Variants in DNAH10 observed in about 807,000 individuals in gnomAD.
DNAH10 encodes dynein axonemal heavy chain 10, also known as axonemal beta dynein heavy chain 10.
A neutral mutation model predicts 506.6 loss-of-function variants in DNAH10; 348 were observed. That is an observed-to-expected ratio of 0.69 (90% confidence interval 0.63 to 0.75). The LOEUF is 0.75. Among genes scored for constraint, DNAH10 ranks in the 30% least tolerant of loss-of-function variants. The pLI, the probability that DNAH10 is intolerant of heterozygous loss-of-function variation, is 0.00. For synonymous variants in DNAH10, 2,059 were observed against 2,198.6 expected, an observed-to-expected ratio of 0.94 and a Z score of 1.78; for missense variants, 5,179 against 5,787.1, an observed-to-expected ratio of 0.89 and a Z score of 3.41.
chr12:123,828,597 A>C lies in DNAH10; in HGVS notation c.4391+1699A>C, dbSNP rs7965533. Among the ~76,000 whole-genome samples, 1,445 of 152,236 alleles carry C rather than the reference A, an allele frequency of 9.5e-3. 15 individuals are homozygous for C. Among genetic ancestry groups the C allele is most frequent in the African/African-American group, 0.031 (1,307 of 41,538 alleles). On this transcript the variant is annotated intron_variant, in intron 25 of 78. Coordinates refer to ENST00000673944, the MANE Select transcript of DNAH10 (RefSeq NM_001372106.1). Reference sequence around the variant, plus strand: ...TCTTAGTGCACCTGAAGGGAAAGGAATGTTCTTATTAAGGTCCACTGTTTT... The same window carrying C: ...TCTTAGTGCACCTGAAGGGAAAGGACTGTTCTTATTAAGGTCCACTGTTTT...
At position 123,774,228 on chromosome 12, in the gene DNAH10, T is replaced by G; in HGVS notation, c.585T>G (p.Ala195=). ...PETLEYGIIN[A]NVLHFLKNII... is the part of the protein sequence containing the mutation. Reference sequence around the variant, plus strand: ...CACTGGAGTATGGAATTATAAACGCTAATGTGCTCCATTTTCTGAAGAATA... The same window carrying G: ...CACTGGAGTATGGAATTATAAACGCGAATGTGCTCCATTTTCTGAAGAATA... The change falls in exon 5 of 79, where the codon GCT becomes GCG. Residue 195 remains alanine (A), a synonymous_variant. Coordinates refer to ENST00000673944, the MANE Select transcript of DNAH10 (RefSeq NM_001372106.1). 3.1e-6 allele frequency: 5 copies of G among 1,608,252 alleles called. No homozygotes were observed. Among genetic ancestry groups the G allele is most frequent in the Non-Finnish European group, 4.2e-6 (5 of 1,178,312 alleles).
Position 123,918,774 on chromosome 12 carries a change from C to G in DNAH10, c.11331C>G (p.Phe3777Leu). ...RPAARRGAILFFVLSEMALVN... is the reference protein window; with the variant it reads ...RPAARRGAILLFVLSEMALVN... ...CAGCCAGGAGGGGGGCCATCCTGTT[C>G]TTCGTCCTGTCTGAGATGGCCCTGG... The change falls in exon 65 of 79, where the codon TTC becomes TTG. Residue 3777 changes from phenylalanine to leucine, a missense_variant. Around this residue, in one of 3 missense-constraint regions of DNAH10, gnomAD observed 4,844 missense variants for 5,430.5 expected, o/e 0.89. Coordinates refer to ENST00000673944, the MANE Select transcript of DNAH10 (RefSeq NM_001372106.1). 1 of 1,613,256 alleles carries G rather than the reference C, an allele frequency of 6.2e-7. No individual in the cohort carries two copies. The highest frequency in any genetic ancestry group is 8.5e-7 in the Non-Finnish European group (1 of 1,179,382).
At position 123,919,908 on chromosome 12, in the gene DNAH10, G is replaced by C. The variant is rs1290171968; in HGVS notation, c.11506+959G>C. On this transcript the variant is annotated intron_variant, in intron 65 of 78. Transcript: ENST00000673944. The surrounding 1 kb of genome is among the most constrained non-coding windows in gnomAD (Gnocchi z 4.9). ...TCGCTTGTTTTGCTATTAAGGCAAT[G>C]CTCCTGTGAACATTTGTGTGCAGGT... Among the ~76,000 whole-genome samples, 1 of 152,156 alleles carries C rather than the reference G, an allele frequency of 6.6e-6. No individual in the cohort carries two copies. The highest frequency in any genetic ancestry group is 2.4e-5 in the African/African-American group (1 of 41,422).
rs140214097 is a variant in DNAH10, at chr12:123,785,585, G to A, written c.1231-161G>A. Among the ~76,000 whole-genome samples, 34 of 148,778 alleles carry A rather than the reference G, an allele frequency of 2.3e-4. No homozygotes were observed. Among genetic ancestry groups the A allele is most frequent in the African/African-American group, 7.7e-4 (31 of 40,110 alleles). On this transcript the variant is annotated intron_variant, in intron 8 of 78. Transcript: ENST00000673944. The surrounding 1 kb of genome is among the most constrained non-coding windows in gnomAD (Gnocchi z 4.1). ...CGCAGGGGAGTCGAGGCTGCAGTAAGCCATGTTTGTGCCATTGCACTCCAG... is the reference window on the plus strand; with the variant it reads ...CGCAGGGGAGTCGAGGCTGCAGTAAACCATGTTTGTGCCATTGCACTCCAG...
rs1474492872 is a variant in DNAH10, at chr12:123,903,648, C to T, written c.9815+535C>T. ...ACCCTGTCCCCCACACCAGAGGGCT[C>T]ATCTGCTGTCAGCGAGGGTAACGTG... is the stretch of plus-strand genomic sequence containing the variant. On this transcript the variant is annotated intron_variant, in intron 57 of 78. Transcript: ENST00000673944. The surrounding 1 kb of genome is among the most constrained non-coding windows in gnomAD (Gnocchi z 4.6). Among the ~76,000 whole-genome samples the T allele has an allele frequency of 6.6e-6, 1 of 152,220 alleles. No homozygotes were observed. Among genetic ancestry groups the T allele is most frequent in the Non-Finnish European group, 1.5e-5 (1 of 68,038 alleles).
chr12:123,868,249 T>G, intron 43 of DNAH10, 130 bp downstream of exon 43: 2 of 843,456 alleles, frequency 2.4e-6, no homozygotes, highest in Non-Finnish European at 3.6e-6. Flanking sequence ...TAGAGAAACA[T>G]GCAATGGTCA....
At chr12:123,805,809 C>T (rs574740581) in intron 18 of DNAH10, among the ~76,000 whole-genome samples, 25 of 148,782 alleles carry the variant, frequency 1.7e-4, no homozygotes, top group African/African-American at 4.7e-4. Context: ...CAGAGTCTCG[C>T]TCTGTCGCCC....
chr12:123,788,906 CAGAGTG>C (rs1957968758), intron 10 of DNAH10, among the ~76,000 whole-genome samples: 1 of 136,100 alleles, frequency 7.3e-6, no homozygotes, highest in African/African-American at 2.8e-5. Context: ...GCCTGGGCGA[CAGAGTG>C]AGACCTTGCT....
At position 123,917,894 on chromosome 12, in the gene DNAH10, A is replaced by G. The variant is rs764300836; in HGVS notation, c.11232+81A>G. 3.4e-5 allele frequency: 49 copies of G among 1,423,236 alleles called. No individual in the cohort carries two copies. Among genetic ancestry groups the G allele is most frequent in the Non-Finnish European group, 4.7e-5 (49 of 1,044,726 alleles). The allele number at this position is 1,423,236 out of a possible 1,614,324, so 88.2% of individuals were successfully genotyped here. On this transcript the variant is annotated intron_variant, in intron 64 of 78. Coordinates refer to ENST00000673944, the MANE Select transcript of DNAH10 (RefSeq NM_001372106.1). The surrounding 1 kb of genome is among the most constrained non-coding windows in gnomAD (Gnocchi z 5.6). ...GAGCGTCCATTTCTCTGTCTGCTCA[A>G]TGAGAAAATGGGGCTCTGTGATCTC...
At chr12:123,798,739 TTTTTA>T (rs1958371075) in intron 13 of DNAH10, among the ~76,000 whole-genome samples, 1 of 148,256 alleles carries the variant, frequency 6.7e-6, no homozygotes, top group African/African-American at 2.4e-5. Context: ...TATATTAACA[TTTTTA>T]TTTATTATAT....
At chr12:123,820,306 G>A (rs531436284) in intron 23 of DNAH10, among the ~76,000 whole-genome samples, 13 of 152,172 alleles carry the variant, frequency 8.5e-5, no homozygotes, top group African/African-American at 2.6e-4. Flanking sequence ...TGGTGATGTC[G>A]ACCACAACAT....
intron 23 of DNAH10, among the ~76,000 whole-genome samples, chr12:123,819,550 A>G (rs1381084857): frequency 2.6e-5 from 4 of 152,002 alleles, no homozygotes; most frequent in African/African-American, 9.7e-5. Context: ...AATCTTAAAC[A>G]CCAGCGACTG....
At chr12:123,873,766 A>G in intron 46 of DNAH10, 56 bp downstream of exon 46, 13 of 1,533,308 alleles carry the variant, frequency 8.5e-6, no homozygotes, top group Non-Finnish European at 1.1e-5. Context: ...TTGTGTTTGC[A>G]TGGGTGTGTG....
At chr12:123,896,148 C>CACACACACACACAGAGAGAG (rs1383690518) in intron 54 of DNAH10, among the ~76,000 whole-genome samples, 14 of 95,314 alleles carry the variant, frequency 1.5e-4, no homozygotes, top group Non-Finnish European at 1.8e-4. Flanking sequence ...CACACACACA[C>CACACACACACACAGAGAGAG]AGAGAGAGAG....
chr12:123,788,924 C>CAA (rs1200548876), intron 10 of DNAH10, among the ~76,000 whole-genome samples: 13 of 66,592 alleles, frequency 2.0e-4, no homozygotes, highest in South Asian at 9.6e-4. Context: ...GACCTTGCTT[C>CAA]AAAAAAAAAA....
intron 37 of DNAH10, 88 bp from the exon 38 acceptor site, chr12:123,859,062 A>G: frequency 3.2e-6 from 4 of 1,236,244 alleles, no homozygotes; most frequent in Non-Finnish European, 4.6e-6. Flanking sequence ...TTCAAAGGTA[A>G]ATTGTATGGC....
At position 123,931,645 on chromosome 12, in the gene DNAH10, G is replaced by A; in HGVS notation, c.12926G>A (p.Ser4309Asn). 6.2e-7 allele frequency: 1 copy of A among 1,613,982 alleles called. No homozygotes were observed. The highest frequency in any genetic ancestry group is 8.5e-7 in the Non-Finnish European group (1 of 1,179,896). ...LELQPQTGES[S>N]SGISRDDYIG... is the part of the protein sequence containing the mutation. Reference sequence around the variant, plus strand: ...AGTGTCCTGGTTTTAGGGGAATCCAGCAGTGGTATCAGCCGCGATGATTAT... The same window carrying A: ...AGTGTCCTGGTTTTAGGGGAATCCAACAGTGGTATCAGCCGCGATGATTAT... The change falls in exon 75 of 79, where the codon AGC (serine) becomes AAC (asparagine). Residue 4309 changes from serine to asparagine, a missense_variant. Coordinates refer to ENST00000673944, the MANE Select transcript of DNAH10 (RefSeq NM_001372106.1).
At chr12:123,887,433 TCCTC>T in intron 52 of DNAH10, 120 bp downstream of exon 52, 1 of 1,213,622 alleles carries the variant, frequency 8.2e-7, no homozygotes, top group Non-Finnish European at 1.1e-6. Context: ...GTGTACCTGT[TCCTC>T]CCTCACGGCG....
In DNAH10 at chr12:123,848,826, T is replaced by G; in HGVS notation, c.6046T>G (p.Ser2016Ala). 6.2e-7 allele frequency: 1 copy of G among 1,613,918 alleles called. No individual in the cohort carries two copies. Among genetic ancestry groups the G allele is most frequent in the African/African-American group, 1.3e-5 (1 of 75,028 alleles). Residue 2016 changes from serine to alanine, a missense_variant, in exon 34 of 79, where the codon TCC becomes GCC. Physicochemically the swap from Ser to Ala is moderately conservative, Grantham distance 99. Coordinates refer to ENST00000673944, the MANE Select transcript of DNAH10 (RefSeq NM_001372106.1). ...RIDASVLSVI[S>A]SQIQTIRNAL... Reference sequence around the variant, plus strand: ...CGATGCTTCTGTGCTCTCCGTGATCTCCTCCCAGATCCAGACGATCCGAAA... The same window carrying G: ...CGATGCTTCTGTGCTCTCCGTGATCGCCTCCCAGATCCAGACGATCCGAAA...
Sources: allele counts gnomAD v4.1 joint callset (sites outside exome capture counted in the v4.1 genomes callset), GRCh38; gene constraint gnomAD v4.1.1; regional missense constraint gnomAD v4.1.1; non-coding constraint Gnocchi (gnomAD v3.1); transcripts MANE v1.5; gene names NCBI Gene and HGNC (gene_info 2026-07-23, HGNC 2026-07-21).